The following FGF14 variants were observed in gnomAD, a reference collection of about 807,000 sequenced individuals.
FGF14 encodes the protein fibroblast growth factor 14.
In FGF14, 5 loss-of-function variants were observed where a neutral mutation model predicts 25.5. That is an observed-to-expected ratio of 0.20 (90% confidence interval 0.10 to 0.41). FGF14 has a LOEUF of 0.41. Ranked by LOEUF, FGF14 falls within the 10% of genes least tolerant of loss-of-function variation. FGF14 has a pLI of 1.00. For missense variants in FGF14, 222 were observed against 320.1 expected (o/e 0.69, Z 2.34); for synonymous variants, 138 against 118.3 (o/e 1.17, Z -1.08).
chr13:101,960,028 A>G (rs2036748729), intron 1 of FGF14, among the ~76,000 whole-genome samples: 1 of 152,230 alleles, frequency 6.6e-6, no homozygotes, highest in Non-Finnish European at 1.5e-5. Flanking sequence ...AGTAACGAAC[A>G]TATTTATTGA....
intron 1 of FGF14, among the ~76,000 whole-genome samples, chr13:102,116,287 A>G (rs1434214269): frequency 6.6e-6 from 1 of 152,184 alleles, no homozygotes; most frequent in African/African-American, 2.4e-5. Context: ...CATTATGGAA[A>G]ACAGTTTGAG....
chr13:102,184,443 A>C (rs1192999658), intron 1 of FGF14, among the ~76,000 whole-genome samples: 1 of 152,138 alleles, frequency 6.6e-6, no homozygotes, highest in Non-Finnish European at 1.5e-5. Flanking sequence ...CTAGACTCAC[A>C]TGTATAGTGA....
chr13:102,345,219 T>C (rs987242408), intron 1 of FGF14, among the ~76,000 whole-genome samples: 18 of 152,314 alleles, frequency 1.2e-4, no homozygotes, highest in Admixed American at 7.2e-4. Context: ...AACCACAATA[T>C]TACTTAAGAA....
At chr13:102,041,080 C>T (rs1378108177) in intron 1 of FGF14, among the ~76,000 whole-genome samples, 1 of 151,896 alleles carries the variant, frequency 6.6e-6, no homozygotes, top group Non-Finnish European at 1.5e-5. Context: ...AATCTAGTAG[C>T]TCCAGTCCCT....
chr13:102,372,819 G>T (rs1156672903), intron 1 of FGF14, among the ~76,000 whole-genome samples: 1 of 152,068 alleles, frequency 6.6e-6, no homozygotes, highest in South Asian at 2.1e-4. Flanking sequence ...TTAAGTCCAC[G>T]AGCCCTTTCT....
chr13:102,359,884 T>C (rs1404345036), intron 1 of FGF14, among the ~76,000 whole-genome samples: 1 of 142,830 alleles, frequency 7.0e-6, no homozygotes, highest in South Asian at 2.1e-4. Context: ...AAGGGGAAAA[T>C]AATTTGCTGT....
At chr13:102,368,673 G>A (rs867681160) in intron 1 of FGF14, among the ~76,000 whole-genome samples, 1 of 152,128 alleles carries the variant, frequency 6.6e-6, no homozygotes, top group Admixed American at 6.6e-5. Flanking sequence ...TACCAATCCT[G>A]ACAATAATGC....
intron 1 of FGF14, among the ~76,000 whole-genome samples, chr13:102,004,518 A>G (rs1594959832): frequency 6.6e-6 from 1 of 152,176 alleles, no homozygotes; most frequent in Admixed American, 6.5e-5. Flanking sequence ...AACTTTAGTG[A>G]TGCTCTCTCT....
chr13:102,153,667 A>C (rs191562424), intron 1 of FGF14, among the ~76,000 whole-genome samples: 28 of 152,312 alleles, frequency 1.8e-4, no homozygotes, highest in Non-Finnish European at 2.5e-4. Flanking sequence ...CAGTAGTAGC[A>C]AGTGCATTAT....
At position 102,141,253 on chromosome 13, in the gene FGF14, G is replaced by A. The variant is rs565617015; in HGVS notation, c.208+260218C>T. 3.3e-5 allele frequency among the ~76,000 whole-genome samples: 5 copies of A among 152,272 alleles called. No homozygotes were observed. In the South Asian group the frequency reaches 1.0e-3, roughly 32 times the overall value. ...GACGTGTTGAATGAAGGCAGTGACT[G>A]TTTCAGAGACACGAAACAGAACTGG... On this transcript the variant is annotated intron_variant, in intron 1 of 4. Coordinates refer to the FGF14 transcript ENST00000376131.
At chr13:102,253,909 A>G (rs1219901135) in intron 1 of FGF14, among the ~76,000 whole-genome samples, 3 of 152,214 alleles carry the variant, frequency 2.0e-5, no homozygotes, top group Non-Finnish European at 4.4e-5. Flanking sequence ...TGGGATAGGA[A>G]AATTTCCATT....
chr13:102,186,732 A>G (rs1485274564), intron 1 of FGF14, among the ~76,000 whole-genome samples: 4 of 152,182 alleles, frequency 2.6e-5, no homozygotes, highest in Non-Finnish European at 2.9e-5. Flanking sequence ...CATAAGAGCG[A>G]TGCCTGAGTT....
rs574663418 is a variant in FGF14 at position 102,015,312 on chromosome 13, G to GT, written c.209-140017dup. ...CTAAATAGAAAAAAGCTCTGCTTTC[G>GT]TATCACCAAAGGAATATATATTTTT... On this transcript the variant is annotated intron_variant, in intron 1 of 4. Transcript: ENST00000376131. Among the ~76,000 whole-genome samples the GT allele has an allele frequency of 3.9e-3, 600 of 152,232 alleles. 2 individuals are homozygous for GT. The highest frequency in any genetic ancestry group is 6.6e-3 in the Non-Finnish European group (452 of 68,014).
At chr13:102,088,377 T>G (rs186553062) in intron 1 of FGF14, among the ~76,000 whole-genome samples, 25 of 152,258 alleles carry the variant, frequency 1.6e-4, no homozygotes, top group Admixed American at 1.6e-3. Context: ...TTAATGAAAA[T>G]GAATCTTAAA....
chr13:102,021,242 T>C (rs2040634874), intron 1 of FGF14, among the ~76,000 whole-genome samples: 2 of 151,970 alleles, frequency 1.3e-5, no homozygotes, highest in African/African-American at 4.8e-5. Flanking sequence ...ATAAGATGGA[T>C]AGTGAATAGG....
intron 1 of FGF14, among the ~76,000 whole-genome samples, chr13:102,297,488 A>G (rs1350879702): frequency 6.6e-6 from 1 of 152,204 alleles, no homozygotes; most frequent in Non-Finnish European, 1.5e-5. Context: ...ACATACTTAC[A>G]TAAGAGGCTA....
chr13:102,301,045 C>A (rs1217328246), intron 1 of FGF14, among the ~76,000 whole-genome samples: 2 of 151,956 alleles, frequency 1.3e-5, no homozygotes, highest in African/African-American at 4.8e-5. Flanking sequence ...AGGCTATTAT[C>A]TTTTTTTCAT....
chr13:101,715,890 C>G lies in FGF14; in HGVS notation c.*6941G>C, dbSNP rs758063334. The G allele has an allele frequency of 7.2e-6, 3 of 415,492 alleles. No individual in the cohort carries two copies. The highest frequency in any genetic ancestry group is 1.3e-5 in the Non-Finnish European group (3 of 227,574). The allele number at this position is 415,492 out of a possible 1,614,324, so 25.7% of individuals were successfully genotyped here. The stretch of plus-strand genomic sequence containing the variant: ...CATAATTAACATAAGTGGTTCCTAA[C>G]GAGAGCAATTTTTCCACCCAAAAGT... On this transcript the variant is annotated 3_prime_UTR_variant, in exon 5 of 5. Coordinates refer to ENST00000376143, the MANE Select transcript of FGF14 (RefSeq NM_004115.4).
At position 102,282,110 on chromosome 13, in the gene FGF14, A is replaced by G. The variant is rs1421058456; in HGVS notation, c.208+119361T>C. 4.2e-5 allele frequency among the ~76,000 whole-genome samples: 6 copies of G among 144,078 alleles called. No individual in the cohort carries two copies. The Admixed American group carries it at 4.2e-4, about 10-fold the overall frequency. 94.5% of individuals were successfully genotyped at this position (144,078 alleles called of 152,430 possible). On this transcript the variant is annotated intron_variant, in intron 1 of 4. Coordinates refer to the FGF14 transcript ENST00000376131. ...AGATGGAGTCTTGCTCTTGTTGCCC[A>G]GGCTGGAGTAAAATGGCACGATCTC...
Sources: allele counts gnomAD v4.1 joint callset (sites outside exome capture counted in the v4.1 genomes callset), GRCh38; gene constraint gnomAD v4.1.1; transcripts MANE v1.5; gene names NCBI Gene and HGNC (gene_info 2026-07-23, HGNC 2026-07-21).